The following CHD2 variants were observed in gnomAD, a reference collection of about 807,000 sequenced individuals.
CHD2 encodes the protein ATP-dependent chromatin remodeler CHD2.
CHD2 carries 28 observed loss-of-function variants against 243.9 expected under a neutral mutation model. The observed-to-expected ratio is 0.11, with a 90% confidence interval of 0.09 to 0.16. CHD2 has a LOEUF of 0.16. Among genes scored for constraint, CHD2 ranks in the 10% least tolerant of loss-of-function variants. CHD2 has a pLI of 1.00. For synonymous variants in CHD2, 775 were observed against 779.0 expected (o/e 0.99, Z 0.09); for missense variants, 1,386 against 2,209.8 (o/e 0.63, Z 7.47).
At chr15:93,000,396 A>T in intron 31 of CHD2, 116 bp from the exon 32 acceptor site, 1 of 1,100,512 alleles carries the variant, frequency 9.1e-7, no homozygotes, top group Non-Finnish European at 1.3e-6. Context: ...ATTTCTTTGG[A>T]ATTTTCTTGT....
At chr15:92,950,750 C>CT (rs2053543078) in intron 13 of CHD2, among the ~76,000 whole-genome samples, 1 of 129,828 alleles carries the variant, frequency 7.7e-6, no homozygotes, top group Admixed American at 8.1e-5. Flanking sequence ...GAAACTTCAC[C>CT]TTAAAAAAAA....
chr15:92,972,406 T>C lies in CHD2; in HGVS notation c.2494T>C (p.Tyr832His). The change falls in exon 19 of 39, where the codon TAT becomes CAT. Residue 832 changes from tyrosine to histidine, a missense_variant. Around this residue, in one of 19 missense-constraint regions of CHD2, gnomAD observed 118 missense variants for 266.3 expected, o/e 0.44. Transcript: ENST00000394196. The stretch of plus-strand genomic sequence containing the variant: ...GGCTGAATACCTAACTATTAAACAC[T>C]ATCCTTTCCAGGTAAGGTGATTTCA... ...ILAEYLTIKH[Y>H]PFQRLDGSIK... The C allele has an allele frequency of 6.3e-7, 1 of 1,596,670 alleles. No individual in the cohort carries two copies. Among genetic ancestry groups the C allele is most frequent in the Non-Finnish European group, 8.5e-7 (1 of 1,174,276 alleles).
At chr15:93,006,525 T>G (rs943262546) in intron 34 of CHD2, among the ~76,000 whole-genome samples, 4 of 152,256 alleles carry the variant, frequency 2.6e-5, no homozygotes, top group Admixed American at 2.0e-4. Flanking sequence ...TCTGTAAAGA[T>G]GATAATAGCT....
chr15:92,910,644 C>G (rs2052715334), intron 2 of CHD2, among the ~76,000 whole-genome samples: 1 of 152,188 alleles, frequency 6.6e-6, no homozygotes, highest in Non-Finnish European at 1.5e-5. Flanking sequence ...GATCTTGCCA[C>G]CTCCGCCTCC....
intron 20 of CHD2, among the ~76,000 whole-genome samples, chr15:92,976,143 T>C (rs1008351770): frequency 6.6e-6 from 1 of 152,140 alleles, no homozygotes; most frequent in Admixed American, 6.6e-5. Context: ...CCACTCTTAG[T>C]TTAAAAAATA....
At chr15:92,917,966 C>G (rs2052874748) in intron 2 of CHD2, among the ~76,000 whole-genome samples, 1 of 148,264 alleles carries the variant, frequency 6.7e-6, no homozygotes, top group Non-Finnish European at 1.5e-5. Flanking sequence ...GATTGTTTTG[C>G]CAGATTTTGC....
Position 92,985,196 on chromosome 15 carries a change from GA to G in CHD2, c.3238-301del, listed in dbSNP as rs1233063906. Among the ~76,000 whole-genome samples the G allele has an allele frequency of 2.0e-5, 3 of 152,306 alleles. No individual in the cohort carries two copies. In the East Asian group the frequency reaches 5.8e-4, roughly 29 times the overall value. ...TCAAATGAGAAAATAAAGGCACAAA[GA>G]GTAAAATTACTTGCCCAAAGGAGTA... On this transcript the variant is annotated intron_variant, in intron 25 of 38. Transcript: ENST00000394196.
intron 25 of CHD2, among the ~76,000 whole-genome samples, 188 bp downstream of exon 25, chr15:92,984,688 AGACATCG>A (rs1567152355): frequency 6.6e-6 from 1 of 152,212 alleles, no homozygotes; most frequent in Non-Finnish European, 1.5e-5. Flanking sequence ...CACACCTGTG[AGACATCG>A]GATTTGGTCT....
Position 92,953,511 on chromosome 15 carries a change from G to C in CHD2, c.1657G>C (p.Glu553Gln). The change falls in exon 14 of 39, where the codon GAA becomes CAA. Residue 553 changes from glutamate to glutamine, a missense_variant. By Grantham distance (29) the Glu-to-Gln change is conservative (BLOSUM62 2). Transcript: ENST00000394196. ...STLTSWQREF[E>Q]IWAPEINVVV... ...CCTCACCTCATGGCAGAGAGAGTTT[G>C]AAATCTGGGCACCAGAGATTAACGT... is the stretch of plus-strand genomic sequence containing the variant. 1 of 1,614,116 alleles carries C rather than the reference G, an allele frequency of 6.2e-7. No individual in the cohort carries two copies. The highest frequency in any genetic ancestry group is 2.2e-5 in the East Asian group (1 of 44,872).
intron 16 of CHD2, 125 bp downstream of exon 16, chr15:92,956,774 G>A (rs2053621490): frequency 1.2e-6 from 1 of 840,626 alleles, no homozygotes; most frequent in Non-Finnish European, 1.8e-6. Flanking sequence ...GCGTCAAATG[G>A]AGGCAGGGAT....
At chr15:92,918,851 A>G (rs2052896138) in intron 2 of CHD2, among the ~76,000 whole-genome samples, 1 of 151,310 alleles carries the variant, frequency 6.6e-6, no homozygotes, top group Non-Finnish European at 1.5e-5. Flanking sequence ...ACATATATAT[A>G]CATACATATA....
chr15:92,915,174 T>TG (rs535479713), intron 2 of CHD2, among the ~76,000 whole-genome samples: 1 of 152,146 alleles, frequency 6.6e-6, no homozygotes, highest in African/African-American at 2.4e-5. Context: ...TGCTGAATCC[T>TG]GGGGAGGGGC....
At chr15:93,009,613 C>T (rs1383787795) in intron 35 of CHD2, among the ~76,000 whole-genome samples, 2 of 152,136 alleles carry the variant, frequency 1.3e-5, no homozygotes, top group African/African-American at 4.8e-5. Flanking sequence ...TTTAAGCCTA[C>T]AAGGGGCAAA....
intron 5 of CHD2, among the ~76,000 whole-genome samples, chr15:92,932,792 C>T (rs1053144391): frequency 6.6e-6 from 1 of 152,140 alleles, no homozygotes; most frequent in African/African-American, 2.4e-5. Flanking sequence ...GACTCTCGCT[C>T]TGTCGCCCAG....
intron 38 of CHD2, chr15:93,020,562 G>C (rs1302439323): frequency 1.3e-5 from 7 of 552,392 alleles, no homozygotes; most frequent in African/African-American, 3.8e-5. Flanking sequence ...GTGCGAGGCT[G>C]TCAGCCACAC....
intron 11 of CHD2, 41 bp downstream of exon 11, chr15:92,945,906 C>A: frequency 6.6e-7 from 1 of 1,509,374 alleles, no homozygotes; most frequent in South Asian, 1.2e-5. Context: ...TTCAACATTT[C>A]AGAACAGTGT....
intron 12 of CHD2, 45 bp from the exon 13 acceptor site, chr15:92,948,907 G>A (rs762714701): frequency 3.8e-6 from 6 of 1,585,226 alleles, no homozygotes; most frequent in African/African-American, 1.4e-5. Flanking sequence ...TTTTAACATA[G>A]TAGCAGTAAG....
chr15:93,002,834 T>A (rs748789440), intron 33 of CHD2, among the ~76,000 whole-genome samples: 86 of 152,272 alleles, frequency 5.6e-4, no homozygotes, highest in Non-Finnish European at 1.0e-3. Context: ...TGCTGACCTC[T>A]GAACACAGTA....
chr15:92,994,570 A>T (rs2054163388), intron 28 of CHD2, among the ~76,000 whole-genome samples: 2 of 152,206 alleles, frequency 1.3e-5, no homozygotes, highest in Admixed American at 6.5e-5. Context: ...TAACATTCAG[A>T]ATACACCCAA....
Sources: allele counts gnomAD v4.1 joint callset (sites outside exome capture counted in the v4.1 genomes callset), GRCh38; gene constraint gnomAD v4.1.1; regional missense constraint gnomAD v4.1.1; transcripts MANE v1.5; gene names NCBI Gene and HGNC (gene_info 2026-07-23, HGNC 2026-07-21).